The following CLCN4 variants were observed in gnomAD, a reference collection of about 807,000 sequenced individuals.
CLCN4 encodes H(+)/Cl(-) exchange transporter 4.
A neutral mutation model predicts 41.7 loss-of-function variants in CLCN4; 1 was observed. That is an observed-to-expected ratio of 0.02 (90% confidence interval 0.01 to 0.11). CLCN4 has a LOEUF of 0.11. Among genes scored for constraint, CLCN4 ranks in the 10% least tolerant of loss-of-function variants. The probability of loss-of-function intolerance (pLI) is 1.00; values close to 1 mark genes in which losing one functional copy is unlikely to be tolerated. For synonymous variants in CLCN4, 277 were observed against 285.8 expected, an observed-to-expected ratio of 0.97 and a Z score of 0.31; for missense variants, 287 against 661.0, an observed-to-expected ratio of 0.43 and a Z score of 6.20.
chrX:10,196,588 G>A (rs1398597011), intron 5 of CLCN4, among the ~76,000 whole-genome samples: 1 of 94,383 alleles, frequency 1.1e-5, no homozygotes, highest in Non-Finnish European at 2.1e-5. Flanking sequence ...GAAGACATTT[G>A]GAATGCACTT....
Position 10,220,809 on chromosome X carries a change from T to C in CLCN4, c.2124T>C (p.Thr708=), listed in dbSNP as rs757124628. 1.7e-6 allele frequency: 2 copies of C among 1,211,636 alleles called. No homozygotes were observed. Among genetic ancestry groups the C allele is most frequent in the Non-Finnish European group, 2.2e-6 (2 of 895,438 alleles). ...GCCCGTTTACAGTGACAGACCACAC[T>C]CCGATGGAAACGGTGGTGGATATCT... ...NLSPFTVTDH[T]PMETVVDIFR... is the part of the protein sequence containing the mutation. The change falls in exon 12 of 13, where the codon ACT becomes ACC. Residue 708 remains threonine (T), a synonymous_variant. Coordinates refer to ENST00000380833, the MANE Select transcript of CLCN4 (RefSeq NM_001830.4).
chrX:10,173,684 G>A (rs756910176), intron 2 of CLCN4, among the ~76,000 whole-genome samples: 4 of 112,208 alleles, frequency 3.6e-5, no homozygotes, highest in African/African-American at 1.3e-4. Flanking sequence ...GCGGGAGCTT[G>A]TGAGAAATTC....
intron 2 of CLCN4, among the ~76,000 whole-genome samples, chrX:10,169,274 C>G (rs1035346753): frequency 1.4e-4 from 16 of 111,870 alleles, no homozygotes; most frequent in African/African-American, 5.2e-4. Context: ...AAGCTGTCAC[C>G]TCCTCCACTT....
rs905033726 is a variant in CLCN4 at position 10,213,976 on chromosome X, G to A, written c.1872G>A (p.Thr624=). The A allele has an allele frequency of 5.4e-5, 65 of 1,210,154 alleles. No homozygotes were observed. The highest frequency in any genetic ancestry group is 6.9e-5 in the Non-Finnish European group (62 of 894,920). The change falls in exon 11 of 13, where the codon ACG becomes ACA. Residue 624 remains threonine, a synonymous_variant. Coordinates refer to ENST00000380833, the MANE Select transcript of CLCN4 (RefSeq NM_001830.4). ...QDSMTVEDVE[T]LIKETDYNGF... Reference sequence around the variant, plus strand: ...GCATGACTGTCGAGGACGTGGAGACGCTCATCAAGGAGACCGACTACAACG... The same window carrying A: ...GCATGACTGTCGAGGACGTGGAGACACTCATCAAGGAGACCGACTACAACG...
At chrX:10,204,290 A>T (rs933295412) in intron 6 of CLCN4, among the ~76,000 whole-genome samples, 2 of 111,591 alleles carry the variant, frequency 1.8e-5, no homozygotes, top group Non-Finnish European at 3.8e-5. Flanking sequence ...GCAAGATAAC[A>T]CTCCCTATAG....
chrX:10,161,479 C>T (rs1441253093), intron 2 of CLCN4, among the ~76,000 whole-genome samples: 2 of 112,043 alleles, frequency 1.8e-5, no homozygotes, highest in African/African-American at 6.5e-5. Context: ...CTCCATCAAA[C>T]GAGACTTAAG....
In CLCN4 at chrX:10,213,765, C is replaced by T; in HGVS notation, c.1661C>T (p.Ala554Val). Reference sequence around the variant, plus strand: ...CTGGAGTACATCGTGCCCCTGATGGCGGCGGCTGTGACCAGCAAGTGGGTA... The same window carrying T: ...CTGGAGTACATCGTGCCCCTGATGGTGGCGGCTGTGACCAGCAAGTGGGTA... ...GGLEYIVPLM[A>V]AAVTSKWVAD... The change falls in exon 11 of 13, where the codon GCG (alanine) becomes GTG (valine). Residue 554 changes from alanine (A) to valine (V), a missense_variant. Coordinates refer to ENST00000380833, the MANE Select transcript of CLCN4 (RefSeq NM_001830.4). The T allele has an allele frequency of 8.3e-7, 1 of 1,211,435 alleles. No individual in the cohort carries two copies. The highest frequency in any genetic ancestry group is 1.1e-6 in the Non-Finnish European group (1 of 895,138).
chrX:10,216,571 G>A (rs1483913262), intron 11 of CLCN4, among the ~76,000 whole-genome samples: 1 of 110,839 alleles, frequency 9.0e-6, no homozygotes, highest in Non-Finnish European at 1.9e-5. Flanking sequence ...GAGTTTCAGG[G>A]AAGAGTTAAG....
intron 11 of CLCN4, among the ~76,000 whole-genome samples, chrX:10,219,658 G>A (rs1924810171): frequency 8.9e-6 from 1 of 112,144 alleles, no homozygotes; most frequent in African/African-American, 3.2e-5. Context: ...CTTAGAGGAG[G>A]CAGTTAGAAT....
At chrX:10,215,897 G>A (rs764056733) in intron 11 of CLCN4, among the ~76,000 whole-genome samples, 1 of 112,203 alleles carries the variant, frequency 8.9e-6, no homozygotes, top group Non-Finnish European at 1.9e-5. Flanking sequence ...CAATCAGACC[G>A]ATAATAATAT....
intron 8 of CLCN4, among the ~76,000 whole-genome samples, chrX:10,207,423 A>G (rs919838866): frequency 8.9e-6 from 1 of 112,208 alleles, no homozygotes; most frequent in African/African-American, 3.2e-5. Context: ...TGGGCCATGC[A>G]ATTTCTGTTG....
chrX:10,218,337 A>C (rs1336197971), intron 11 of CLCN4, among the ~76,000 whole-genome samples: 2 of 111,353 alleles, frequency 1.8e-5, no homozygotes, highest in Non-Finnish European at 3.8e-5. Flanking sequence ...AAAAAGATGC[A>C]TTTTCGGTTG....
At chrX:10,208,000 GC>G in intron 8 of CLCN4, 44 bp from the exon 9 acceptor site, 1 of 1,111,542 alleles carries the variant, frequency 9.0e-7, no homozygotes, top group Non-Finnish European at 1.2e-6. Context: ...GCTCTGAGCA[GC>G]TCTTTCTCCG....
At chrX:10,190,032 G>A (rs933132340) in intron 4 of CLCN4, among the ~76,000 whole-genome samples, 5 of 110,941 alleles carry the variant, frequency 4.5e-5, no homozygotes, top group Admixed American at 9.6e-5. Flanking sequence ...AATAAAACCA[G>A]TGTCATAGAA....
chrX:10,188,543 C>T lies in CLCN4; in HGVS notation c.244+929C>T, dbSNP rs183585227. ...GGAAACACGTCTTTTTAATATCAAA[C>T]GCACCAGCCCTTCCGGGAAATAGTT... On this transcript the variant is annotated intron_variant, in intron 4 of 12. Coordinates refer to ENST00000380833, the MANE Select transcript of CLCN4 (RefSeq NM_001830.4). Among the ~76,000 whole-genome samples, 972 of 112,341 alleles carry T rather than the reference C, an allele frequency of 8.7e-3. 7 individuals are homozygous for T. Among genetic ancestry groups the T allele is most frequent in the South Asian group, 0.029 (79 of 2,723 alleles).
intron 12 of CLCN4, among the ~76,000 whole-genome samples, chrX:10,224,339 AGT>A (rs752556974): frequency 2.9e-4 from 21 of 72,607 alleles, no homozygotes; most frequent in African/African-American, 1.2e-3. Context: ...TGTGTATGTG[AGT>A]GTGTGTGTGT....
rs769790402 is a variant in CLCN4, at chrX:10,221,013, G to C, written c.2192+136G>C. The C allele has an allele frequency of 2.0e-5, 11 of 542,408 alleles. No individual in the cohort carries two copies. The African/African-American group carries it at 2.5e-4, about 13-fold the overall frequency. 44.7% of individuals were successfully genotyped at this position (542,408 alleles called of 1,213,427 possible). ...AGAATGGCAGTAAGCTGTGGTGAATGTGTTGAGGAGGAAATGTACAGGGAG... is the reference window on the plus strand; with the variant it reads ...AGAATGGCAGTAAGCTGTGGTGAATCTGTTGAGGAGGAAATGTACAGGGAG... On this transcript the variant is annotated intron_variant, in intron 12 of 12. Transcript: ENST00000380833.
chrX:10,213,771 C>T lies in CLCN4; in HGVS notation c.1667C>T (p.Ala556Val). 1 of 1,211,971 alleles carries T rather than the reference C, an allele frequency of 8.3e-7. No homozygotes were observed. Among genetic ancestry groups the T allele is most frequent in the Non-Finnish European group, 1.1e-6 (1 of 895,471 alleles). Reference sequence around the variant, plus strand: ...TACATCGTGCCCCTGATGGCGGCGGCTGTGACCAGCAAGTGGGTAGCTGAT... The same window carrying T: ...TACATCGTGCCCCTGATGGCGGCGGTTGTGACCAGCAAGTGGGTAGCTGAT... ...LEYIVPLMAAAVTSKWVADAF... is the reference protein window; with the variant it reads ...LEYIVPLMAAVVTSKWVADAF... The change falls in exon 11 of 13, where the codon GCT becomes GTT. Residue 556 changes from alanine to valine, a missense_variant. Physicochemically the swap from Ala to Val is moderately conservative, Grantham distance 64. Coordinates refer to ENST00000380833, the MANE Select transcript of CLCN4 (RefSeq NM_001830.4).
chrX:10,197,925 T>C lies in CLCN4; in HGVS notation c.433-14T>C. The C allele has an allele frequency of 8.3e-7, 1 of 1,210,100 alleles. No homozygotes were observed. Among genetic ancestry groups the C allele is most frequent in the South Asian group, 1.8e-5 (1 of 56,770 alleles). On this transcript the variant is annotated splice_polypyrimidine_tract_variant and intron_variant, in intron 5 of 12. Transcript: ENST00000380833. The stretch of plus-strand genomic sequence containing the variant: ...GGCTAATGTTTCCTTTTGTGTTTTG[T>C]GTCTGTTGTCTAGGGTGCCAGTGCT...
Sources: allele counts gnomAD v4.1 joint callset (sites outside exome capture counted in the v4.1 genomes callset), GRCh38; gene constraint gnomAD v4.1.1; transcripts MANE v1.5; gene names NCBI Gene and HGNC (gene_info 2026-07-23, HGNC 2026-07-21).